The following ZNF331 variants were observed in gnomAD, a reference collection of about 807,000 sequenced individuals.
The protein encoded by ZNF331 is C2H2-like zinc finger protein rearranged in thyroid adenomas.
Under a neutral mutation model 7.0 loss-of-function variants are expected in ZNF331, and 2 were observed. That is an observed-to-expected ratio of 0.29 (90% CI 0.12 to 0.90). The LOEUF (loss-of-function observed/expected upper bound fraction) is 0.90. ZNF331 is among the 40% of genes least tolerant of loss of function. The pLI is 0.58. For synonymous variants in ZNF331, 196 were observed against 205.4 expected (o/e 0.95, Z 0.39); for missense variants, 432 against 587.7 (o/e 0.74, Z 2.74).
At chr19:53,519,925 G>A (rs537061338), upstream of ZNF331, among the ~76,000 whole-genome samples, 2 of 152,138 alleles carry the variant, frequency 1.3e-5, no homozygotes, top group East Asian at 1.9e-4. Context: ...TTTCCAGCTC[G>A]GGGCTGTATT....
the ZNF331 span, chr19:53,503,639 C>T: frequency 8.6e-6 from 6 of 699,644 alleles, no homozygotes; most frequent in Non-Finnish European, 1.6e-5. Context: ...ATGTAAATTT[C>T]TTTTTTGTGT....
In ZNF331 at chr19:53,579,140, TA is replaced by T. The variant is rs2090839719; in HGVS notation, c.*1189del. ...GCTTACAGAATATCAGAAGTCATTC[TA>T]GAGGCAAATTTGAAGAGTGGAAAAA... On this transcript the variant is annotated 3_prime_UTR_variant, in exon 6 of 6. Transcript: ENST00000449416. 1 of 202,332 alleles carries T rather than the reference TA, an allele frequency of 4.9e-6. No individual in the cohort carries two copies. The highest frequency in any genetic ancestry group is 2.3e-5 in the African/African-American group (1 of 43,604). 12.5% of individuals were successfully genotyped at this position (202,332 alleles called of 1,614,324 possible).
At chr19:53,503,711 A>T in the ZNF331 span, 1 of 702,016 alleles carries the variant, frequency 1.4e-6, no homozygotes, top group Non-Finnish European at 2.6e-6. Context: ...CTCCCAGGCC[A>T]TCACCATCAG....
At position 53,573,550 on chromosome 19, in the gene ZNF331, C is replaced by T. The variant is rs750507568; in HGVS notation, c.136+1820C>T. Among the ~76,000 whole-genome samples the T allele has an allele frequency of 1.3e-5, 2 of 151,944 alleles. No homozygotes were observed. Among genetic ancestry groups the T allele is most frequent in the Non-Finnish European group, 1.5e-5 (1 of 68,000 alleles). ...TGGCGCGATCACAGCTCACAGCAGCCTCAACCTCCTGGGCTCAAGCAATCT... is the reference window on the plus strand; with the variant it reads ...TGGCGCGATCACAGCTCACAGCAGCTTCAACCTCCTGGGCTCAAGCAATCT... On this transcript the variant is annotated intron_variant, in intron 5 of 5. Coordinates refer to ENST00000449416, the MANE Select transcript of ZNF331 (RefSeq NM_001079906.2). This position sits in a 1 kb window ranked among gnomAD's most constrained non-coding sequence, Gnocchi z 4.2.
Position 53,550,914 on chromosome 19 carries a change from A to G in ZNF331, c.-137-4931A>G, listed in dbSNP as rs570638052. 2.7e-5 allele frequency among the ~76,000 whole-genome samples: 4 copies of G among 147,468 alleles called. No individual in the cohort carries two copies. In the South Asian group the frequency reaches 6.5e-4, roughly 24 times the overall value. On this transcript the variant is annotated intron_variant, in intron 2 of 5. Transcript: ENST00000449416. ...CACCCAGTCTGGAGTGCAAGGTGCA[A>G]TCTCGGCCCAACCTCCGCCTCCCGG...
At position 53,539,714 on chromosome 19, in the gene ZNF331, CCCA is replaced by C. The variant is rs1391823853; in HGVS notation, c.-138+444_-138+446del. ...ATTATCAGTGTTAGTGTATCTGTCCCCCACCACCACCACCCTAAGGAGATACTC... is the reference window on the plus strand; with the variant it reads ...ATTATCAGTGTTAGTGTATCTGTCCCCCACCACCACCCTAAGGAGATACTC... On this transcript the variant is annotated intron_variant, in intron 2 of 5. Transcript: ENST00000449416. This position sits in a 1 kb window ranked among gnomAD's most constrained non-coding sequence, Gnocchi z 6.1. Among the ~76,000 whole-genome samples, 4 of 152,114 alleles carry C rather than the reference CCCA, an allele frequency of 2.6e-5. No individual in the cohort carries two copies. Among genetic ancestry groups the C allele is most frequent in the African/African-American group, 4.8e-5 (2 of 41,424 alleles).
intron 4 of ZNF331, among the ~76,000 whole-genome samples, chr19:53,570,535 C>CT (rs913957435): frequency 2.2e-4 from 32 of 147,472 alleles, no homozygotes; most frequent in Admixed American, 4.1e-4. Flanking sequence ...ACCGTATTTT[C>CT]TTTTTTTTTT....
chr19:53,552,830 ATCTT>A (rs539102067), intron 2 of ZNF331, among the ~76,000 whole-genome samples: 176 of 152,344 alleles, frequency 1.2e-3, no homozygotes, highest in African/African-American at 4.0e-3. Flanking sequence ...AACTTAAAAA[ATCTT>A]TACATATTGC....
Position 53,576,680 on chromosome 19 carries a change from A to G in ZNF331, c.137-17A>G. On this transcript the variant is annotated splice_polypyrimidine_tract_variant and intron_variant, in intron 5 of 5. Transcript: ENST00000449416. ...TGTGTCCCTCTAAAGGAAAGAAAATATGTTCTTTTTTCCCAGATTTGGAGT... is the reference window on the plus strand; with the variant it reads ...TGTGTCCCTCTAAAGGAAAGAAAATGTGTTCTTTTTTCCCAGATTTGGAGT... 2 of 1,582,548 alleles carry G rather than the reference A, an allele frequency of 1.3e-6. No individual in the cohort carries two copies. Among genetic ancestry groups the G allele is most frequent in the South Asian group, 2.3e-5 (2 of 85,752 alleles).
At chr19:53,532,503 G>A (rs957603971) in intron 2 of ZNF331, among the ~76,000 whole-genome samples, 1 of 152,104 alleles carries the variant, frequency 6.6e-6, no homozygotes, top group Non-Finnish European at 1.5e-5. Context: ...CATGTAGGTT[G>A]ATTTTTTTTT....
At chr19:53,517,022 T>TCACA (rs2086919127), upstream of ZNF331, among the ~76,000 whole-genome samples, 4 of 152,280 alleles carry the variant, frequency 2.6e-5, no homozygotes, top group South Asian at 6.2e-4. Context: ...GGGCTTATGT[T>TCACA]CACAAGTACA....
At chr19:53,554,485 A>C (rs1457687615) in intron 2 of ZNF331, 1 of 152,228 alleles carries the variant, frequency 6.6e-6, no homozygotes, top group Non-Finnish European at 1.5e-5. Flanking sequence ...GCCCCTCCCG[A>C]GTCCGGGGTG....
At chr19:53,564,069 GCATT>G (rs1397573046) in intron 3 of ZNF331, among the ~76,000 whole-genome samples, 25 of 116,514 alleles carry the variant, frequency 2.1e-4, no homozygotes, top group African/African-American at 8.6e-4. Context: ...CACAGAGCCT[GCATT>G]CTTTTTTTTT....
intron 4 of ZNF331, among the ~76,000 whole-genome samples, chr19:53,570,863 C>T (rs9304747): frequency 0.74 from 94,649 of 128,356 alleles, 35,543 homozygotes; most frequent in African/African-American, 0.89. Flanking sequence ...CTTTTCTTTT[C>T]TTTTTTTTTT....
chr19:53,548,727 C>T (rs2088788709), intron 2 of ZNF331, among the ~76,000 whole-genome samples: 1 of 152,196 alleles, frequency 6.6e-6, no homozygotes, highest in Non-Finnish European at 1.5e-5. Flanking sequence ...TAGCTAAAAA[C>T]TCATTGCCAA....
At chr19:53,545,173 G>A (rs935697006) in intron 2 of ZNF331, among the ~76,000 whole-genome samples, 1 of 152,200 alleles carries the variant, frequency 6.6e-6, no homozygotes, top group East Asian at 1.9e-4. Flanking sequence ...AATTTTTCTT[G>A]ATCGCTCTTT....
intron 2 of ZNF331, chr19:53,523,229 T>A (rs936171826): frequency 2.0e-5 from 3 of 151,920 alleles, no homozygotes; most frequent in Non-Finnish European, 4.4e-5. Context: ...TATATTTTTT[T>A]TTTATTTTTT....
At position 53,558,898 on chromosome 19, in the gene ZNF331, ACCT is replaced by A. The variant is rs2089604764; in HGVS notation, c.-74+2991_-74+2993del. Among the ~76,000 whole-genome samples the A allele has an allele frequency of 1.9e-5, 1 of 53,580 alleles. No individual in the cohort carries two copies. Among genetic ancestry groups the A allele is most frequent in the Non-Finnish European group, 3.5e-5 (1 of 28,242 alleles). 35.2% of individuals were successfully genotyped at this position (53,580 alleles called of 152,430 possible). ...ACCCCATATATACACACATATACACACCTATACACACCTACATATATACACACA... is the reference window on the plus strand; with the variant it reads ...ACCCCATATATACACACATATACACAATACACACCTACATATATACACACA... On this transcript the variant is annotated intron_variant, in intron 3 of 5. Coordinates refer to ENST00000449416, the MANE Select transcript of ZNF331 (RefSeq NM_001079906.2). This position sits in a 1 kb window ranked among gnomAD's most constrained non-coding sequence, Gnocchi z 4.5.
the ZNF331 span, among the ~76,000 whole-genome samples, chr19:53,508,541 T>C: frequency 6.6e-6 from 1 of 151,862 alleles, no homozygotes. Flanking sequence ...AGACATCCTT[T>C]TGGATGTCTC....
Sources: allele counts gnomAD v4.1 joint callset (sites outside exome capture counted in the v4.1 genomes callset), GRCh38; gene constraint gnomAD v4.1.1; non-coding constraint Gnocchi (gnomAD v3.1); transcripts MANE v1.5; gene names NCBI Gene and HGNC (gene_info 2026-07-23, HGNC 2026-07-21).